The following NOL4L variants were observed in gnomAD, a reference collection of about 807,000 sequenced individuals.
NOL4L encodes nucleolar protein 4 like.
In NOL4L, 7 loss-of-function variants were observed where a neutral mutation model predicts 64.5. The observed-to-expected ratio is 0.11, with a 90% CI of 0.06 to 0.20. NOL4L has a LOEUF of 0.20. Ranked by LOEUF, NOL4L falls within the 10% of genes least tolerant of loss-of-function variation. NOL4L has a pLI of 1.00. For synonymous variants in NOL4L, 413 were observed against 401.0 expected (o/e 1.03, Z -0.36); for missense variants, 680 against 967.1 (o/e 0.70, Z 3.94).
chr20:32,489,314 T>C (rs1004134680), intron 4 of NOL4L, among the ~76,000 whole-genome samples: 29 of 152,174 alleles, frequency 1.9e-4, no homozygotes, highest in African/African-American at 6.5e-4. Context: ...GCTTATTTTT[T>C]TCTAAATGGC....
intron 1 of NOL4L, among the ~76,000 whole-genome samples, chr20:32,575,375 G>A (rs1050253219): frequency 3.3e-5 from 5 of 152,098 alleles, no homozygotes; most frequent in Non-Finnish European, 7.4e-5. Context: ...CAACGCCCAC[G>A]CTGACCCCGC....
In NOL4L at chr20:32,444,352, A is replaced by T. The variant is rs1475739483; in HGVS notation, c.*3244T>A. Reference sequence around the variant, plus strand: ...CTATTTTGTAAAAAGTTTTACAAAAAATTACAAATTAAAAGTATCAACCCT... The same window carrying T: ...CTATTTTGTAAAAAGTTTTACAAAATATTACAAATTAAAAGTATCAACCCT... On this transcript the variant is annotated 3_prime_UTR_variant, in exon 11 of 11. Transcript: ENST00000621426. 1.3e-5 allele frequency: 2 copies of T among 152,244 alleles called. No individual in the cohort carries two copies. The highest frequency in any genetic ancestry group is 4.8e-5 in the African/African-American group (2 of 41,452). 9.4% of individuals were successfully genotyped at this position (152,244 alleles called of 1,614,324 possible).
intron 4 of NOL4L, among the ~76,000 whole-genome samples, chr20:32,491,594 C>G (rs1345486559): frequency 6.6e-6 from 1 of 152,222 alleles, no homozygotes. Context: ...CCCTTCCTGC[C>G]CACTGCCAGC....
At chr20:32,535,807 C>A in intron 1 of NOL4L, 2 of 985,448 alleles carry the variant, frequency 2.0e-6, no homozygotes, top group South Asian at 9.4e-5. Flanking sequence ...ACAGTGCCCC[C>A]CAGTTAGAAG....
chr20:32,495,082 G>A (rs1187762678), intron 4 of NOL4L, among the ~76,000 whole-genome samples: 2 of 152,230 alleles, frequency 1.3e-5, no homozygotes, highest in African/African-American at 2.4e-5. Context: ...GGCACCTGCT[G>A]TGCGTACTGT....
intron 1 of NOL4L, among the ~76,000 whole-genome samples, chr20:32,537,277 C>T (rs1182562738): frequency 6.6e-6 from 1 of 152,152 alleles, no homozygotes; most frequent in Admixed American, 6.5e-5. Flanking sequence ...GACTTGAACC[C>T]CCCATCCCCG....
At chr20:32,514,121 G>A (rs2051001996) in intron 3 of NOL4L, among the ~76,000 whole-genome samples, 3 of 152,172 alleles carry the variant, frequency 2.0e-5, no homozygotes, top group African/African-American at 7.2e-5. Flanking sequence ...AAGTTTTACA[G>A]GAATGCAGAA....
chr20:32,508,519 G>T (rs2017231976), intron 4 of NOL4L, among the ~76,000 whole-genome samples: 1 of 152,222 alleles, frequency 6.6e-6, no homozygotes, highest in Admixed American at 6.5e-5. Context: ...CAGATGAAGG[G>T]CTCTAGGCAT....
chr20:32,559,310 C>A (rs1978853920), intron 1 of NOL4L, among the ~76,000 whole-genome samples: 1 of 152,204 alleles, frequency 6.6e-6, no homozygotes, highest in Non-Finnish European at 1.5e-5. Flanking sequence ...TATCCCCACA[C>A]CCCTGCCTCA....
intron 1 of NOL4L, among the ~76,000 whole-genome samples, chr20:32,574,522 G>A (rs1382998768): frequency 6.6e-6 from 1 of 152,192 alleles, no homozygotes; most frequent in Non-Finnish European, 1.5e-5. Context: ...ACACCCCTGA[G>A]GGCTGTCCTC....
intron 1 of NOL4L, among the ~76,000 whole-genome samples, chr20:32,583,656 C>A (rs934088750): frequency 6.7e-6 from 1 of 148,742 alleles, no homozygotes; most frequent in African/African-American, 2.5e-5. Flanking sequence ...GCCCCCCCCC[C>A]AGCCCCCACC....
intron 5 of NOL4L, among the ~76,000 whole-genome samples, chr20:32,467,808 G>T (rs1031928891): frequency 3.3e-5 from 5 of 152,220 alleles, no homozygotes; most frequent in African/African-American, 1.2e-4. Flanking sequence ...TGAGCTCTGT[G>T]TGCCCCCACA....
At chr20:32,470,734 G>C (rs1489434423) in intron 5 of NOL4L, among the ~76,000 whole-genome samples, 1 of 152,266 alleles carries the variant, frequency 6.6e-6, no homozygotes, top group Non-Finnish European at 1.5e-5. Context: ...ACTGTGGCAG[G>C]AGCTGGCCCG....
At chr20:32,488,796 T>C (rs1408929162) in intron 4 of NOL4L, among the ~76,000 whole-genome samples, 9,059 of 39,582 alleles carry the variant, frequency 0.23, 1,259 homozygotes, top group East Asian at 0.48. Context: ...CCTTCCTTTC[T>C]TTCTTTCTTT....
intron 1 of NOL4L, among the ~76,000 whole-genome samples, chr20:32,556,986 C>A (rs184619265): frequency 6.6e-6 from 1 of 152,224 alleles, no homozygotes; most frequent in South Asian, 2.1e-4. Context: ...ATCAGGTAGA[C>A]CCGATTTTAA....
chr20:32,488,177 G>A (rs780567900), intron 4 of NOL4L, among the ~76,000 whole-genome samples: 5 of 152,080 alleles, frequency 3.3e-5, no homozygotes, highest in African/African-American at 4.8e-5. Context: ...TGATCCACCC[G>A]CCTTGGCCTT....
At chr20:32,452,157 A>T in intron 10 of NOL4L, 79 bp downstream of exon 10, 1 of 1,313,512 alleles carries the variant, frequency 7.6e-7, no homozygotes, top group Non-Finnish European at 1.0e-6. Context: ...CCCTCTCCCC[A>T]TTCCGCTGCC....
chr20:32,475,562 C>T (rs2015339289), intron 4 of NOL4L, among the ~76,000 whole-genome samples: 1 of 152,266 alleles, frequency 6.6e-6, no homozygotes, highest in African/African-American at 2.4e-5. Context: ...CCCCTTCAAC[C>T]CAGCCCTCCA....
chr20:32,542,006 G>A (rs924013459), intron 1 of NOL4L, among the ~76,000 whole-genome samples: 1 of 152,202 alleles, frequency 6.6e-6, no homozygotes, highest in Admixed American at 6.5e-5. Flanking sequence ...CATGTTTATG[G>A]ATCTGGTCCT....
Sources: allele counts gnomAD v4.1 joint callset (sites outside exome capture counted in the v4.1 genomes callset), GRCh38; gene constraint gnomAD v4.1.1; transcripts MANE v1.5; gene names NCBI Gene and HGNC (gene_info 2026-07-23, HGNC 2026-07-21).